TSACC: variants seen among roughly 807,000 people sequenced by gnomAD.
The protein encoded by TSACC is TSSK6 activating cochaperone, also known as TSSK6-activating co-chaperone protein.
In TSACC, 3 loss-of-function variants were observed where a neutral mutation model predicts 6.9. The ratio of observed to expected loss-of-function variants is 0.43; its 90% confidence interval spans 0.20 to 1.12. The LOEUF is 1.12. TSACC is among the 50% of genes most tolerant of loss of function. TSACC has a pLI of 0.28. For synonymous variants in TSACC, 54 were observed against 55.1 expected (o/e 0.98, Z 0.09); for missense variants, 137 against 143.9 (o/e 0.95, Z 0.24).
intron 3 of TSACC, among the ~76,000 whole-genome samples, chr1:156,345,607 C>T (rs1363947503): frequency 1.3e-5 from 2 of 151,738 alleles, no homozygotes; most frequent in Non-Finnish European, 2.9e-5. Context: ...GTGGCTCATG[C>T]CTGTAATCCC....
At chr1:156,346,022 C>T (rs763656083) in intron 3 of TSACC, among the ~76,000 whole-genome samples, 8 of 151,478 alleles carry the variant, frequency 5.3e-5, no homozygotes, top group African/African-American at 7.3e-5. Flanking sequence ...GGTGAAACCT[C>T]GTCTCTACTA....
chr1:156,343,793 T>A (rs1225607719), intron 2 of TSACC, among the ~76,000 whole-genome samples: 1 of 152,022 alleles, frequency 6.6e-6, no homozygotes, highest in Non-Finnish European at 1.5e-5. Context: ...CAGGCTGGAG[T>A]GCAGTGTTGT....
At chr1:156,341,889 C>T (rs777582453) in intron 2 of TSACC, among the ~76,000 whole-genome samples, 3 of 151,850 alleles carry the variant, frequency 2.0e-5, no homozygotes, top group East Asian at 1.9e-4. Flanking sequence ...CGGTGAAACC[C>T]GTCTCTACTA....
chr1:156,344,227 T>C (rs1666043974), intron 2 of TSACC, among the ~76,000 whole-genome samples: 1 of 152,198 alleles, frequency 6.6e-6, no homozygotes, highest in Non-Finnish European at 1.5e-5. Context: ...TATGTCCTCA[T>C]GTTGTTAGAT....
chr1:156,339,278 A>AG (rs1333085042), intron 1 of TSACC, among the ~76,000 whole-genome samples: 1 of 145,802 alleles, frequency 6.9e-6, no homozygotes, highest in African/African-American at 2.5e-5. Context: ...AAAAAAAAAA[A>AG]GTATTCCCTG....
upstream of TSACC, among the ~76,000 whole-genome samples, chr1:156,337,984 G>A (rs903301884): frequency 1.3e-5 from 2 of 152,156 alleles, no homozygotes; most frequent in Admixed American, 6.5e-5. Context: ...GCAGAGAAGC[G>A]AACAGGTTAA....
intron 3 of TSACC, 58 bp downstream of exon 3, chr1:156,344,766 G>A: frequency 1.9e-6 from 3 of 1,585,266 alleles, no homozygotes; most frequent in Non-Finnish European, 2.6e-6. Context: ...TTGCATGGAG[G>A]AGGTGGCTTG....
chr1:156,337,811 A>C (rs1481287449), upstream of TSACC: 4 of 373,526 alleles, frequency 1.1e-5, no homozygotes, highest in South Asian at 5.3e-5. Flanking sequence ...ACAAAAAAAA[A>C]CGTTATTCGT....
At chr1:156,344,737 GACTC>G in intron 3 of TSACC, 29 bp downstream of exon 3, 1 of 1,610,660 alleles carries the variant, frequency 6.2e-7, no homozygotes, top group Non-Finnish European at 8.5e-7. Flanking sequence ...TTTTCTAATG[GACTC>G]AACAGGGGGA....
intron 3 of TSACC, among the ~76,000 whole-genome samples, chr1:156,345,269 A>G (rs1312644632): frequency 6.6e-6 from 1 of 152,244 alleles, no homozygotes; most frequent in East Asian, 1.9e-4. Flanking sequence ...TGTGTAAAAT[A>G]TTAGAAAAAG....
intron 2 of TSACC, among the ~76,000 whole-genome samples, chr1:156,343,260 A>T (rs1450819698): frequency 6.6e-6 from 1 of 152,200 alleles, no homozygotes; most frequent in Admixed American, 6.5e-5. Flanking sequence ...TCTTTAAGTA[A>T]AAAAGGCAAT....
intron 2 of TSACC, among the ~76,000 whole-genome samples, chr1:156,340,069 A>G (rs1027553558): frequency 6.6e-6 from 1 of 152,242 alleles, no homozygotes; most frequent in Non-Finnish European, 1.5e-5. Context: ...TGGGCCAGGG[A>G]AATGCCTGAG....
chr1:156,346,879 C>T lies in TSACC; in HGVS notation c.275C>T (p.Ala92Val), dbSNP rs1557784297. 1 of 1,614,178 alleles carries T rather than the reference C, an allele frequency of 6.2e-7. No individual in the cohort carries two copies. ...ATGGCTGTTTTGGAACATTTACAGG[C>T]ATCTGTGACACAACTGGCTCCTGGG... ...QQMAVLEHLQ[A>V]SVTQLAPGRG... The change falls in exon 4 of 4, where the codon GCA becomes GTA. Residue 92 changes from alanine to valine, a missense_variant. Physicochemically the swap from Ala to Val is moderately conservative, Grantham distance 64. Coordinates refer to ENST00000368254, the MANE Select transcript of TSACC (RefSeq NM_001304817.2).
Position 156,346,823 on chromosome 1 carries a change from C to G in TSACC, c.219C>G (p.Leu73=), listed in dbSNP as rs1262172159. ...TCCTGGAATGTATGTATGCAAACCTCCAGCTTCAGACCCAGCTCGCCCAAC... is the reference window on the plus strand; with the variant it reads ...TCCTGGAATGTATGTATGCAAACCTGCAGCTTCAGACCCAGCTCGCCCAAC... ...LGLLECMYAN[L]QLQTQLAQQQ... is the part of the protein sequence containing the mutation. Residue 73 remains leucine (L), a synonymous_variant, in exon 4 of 4, where the codon CTC becomes CTG. Transcript: ENST00000368254. 1 of 1,614,180 alleles carries G rather than the reference C, an allele frequency of 6.2e-7. No individual in the cohort carries two copies. The highest frequency in any genetic ancestry group is 2.2e-5 in the East Asian group (1 of 44,876).
intron 3 of TSACC, 138 bp downstream of exon 3, chr1:156,344,846 G>T: frequency 9.3e-7 from 1 of 1,070,450 alleles, no homozygotes; most frequent in Non-Finnish European, 1.3e-6. Context: ...ATAGCTTGTT[G>T]ATTATTTAGT....
upstream of TSACC, chr1:156,338,069 G>C: frequency 1.4e-6 from 2 of 1,455,104 alleles, no homozygotes; most frequent in South Asian, 1.2e-5. Flanking sequence ...CCCGGTCAGT[G>C]GGGGACGGAG....
chr1:156,338,122 G>C, upstream of TSACC: 1 of 1,573,742 alleles, frequency 6.4e-7, no homozygotes, highest in Non-Finnish European at 8.6e-7. Flanking sequence ...GGGCGAAAAG[G>C]GGGTCCATTT....
chr1:156,339,817 C>T (rs1365695348), intron 2 of TSACC, 26 bp downstream of exon 2: 5 of 1,612,856 alleles, frequency 3.1e-6, no homozygotes, highest in Admixed American at 3.3e-5. Flanking sequence ...CCTGCTTCCC[C>T]TCCCTTAAAA....
At chr1:156,341,513 C>A (rs975898367) in intron 2 of TSACC, among the ~76,000 whole-genome samples, 1 of 152,096 alleles carries the variant, frequency 6.6e-6, no homozygotes, top group Non-Finnish European at 1.5e-5. Context: ...TCCACAATGA[C>A]CCTACTTTAA....
Sources: gnomAD v4.1 joint callset for allele counts (sites outside exome capture counted in the v4.1 genomes callset) on GRCh38, gnomAD v4.1.1 for gene constraint, MANE v1.5 for transcripts, NCBI Gene and HGNC (gene_info 2026-07-23, HGNC 2026-07-21) for gene names.